Variants in ARID4B observed in about 807,000 individuals in gnomAD.
The protein encoded by ARID4B is AT-rich interactive domain-containing protein 4B.
A neutral mutation model predicts 147.5 loss-of-function variants in ARID4B; 26 were observed. The observed-to-expected ratio is 0.18, with a 90% CI of 0.13 to 0.24. ARID4B has a LOEUF of 0.24. Among genes scored for constraint, ARID4B ranks in the 10% least tolerant of loss-of-function variants. The pLI is 1.00. For synonymous variants in ARID4B, 512 were observed against 507.9 expected (o/e 1.01, Z -0.11); for missense variants, 1,179 against 1,511.5 (o/e 0.78, Z 3.65).
intron 23 of ARID4B, among the ~76,000 whole-genome samples, chr1:235,169,778 C>T (rs1663208998): frequency 6.6e-6 from 1 of 151,930 alleles, no homozygotes; most frequent in African/African-American, 2.4e-5. Flanking sequence ...TTTCCTGTCT[C>T]AGCCTCCTGA....
At chr1:235,327,404 C>G (rs1675381630) in intron 1 of ARID4B, 2 of 152,248 alleles carry the variant, frequency 1.3e-5, no homozygotes, top group African/African-American at 4.8e-5. Flanking sequence ...GCGGGCAGGA[C>G]CGGCCCGCCA....
chr1:235,179,779 TACA>T (rs980691466), intron 20 of ARID4B, among the ~76,000 whole-genome samples: 7 of 151,764 alleles, frequency 4.6e-5, no homozygotes, highest in Admixed American at 2.6e-4. Flanking sequence ...TCTTAAAAAC[TACA>T]ACAATAGGCT....
chr1:235,248,658 G>A (rs901672507), intron 6 of ARID4B, among the ~76,000 whole-genome samples: 2 of 152,138 alleles, frequency 1.3e-5, no homozygotes, highest in African/African-American at 4.8e-5. Context: ...CTACAGGAAA[G>A]AAAATTTCTA....
chr1:235,202,275 A>G (rs970772737), intron 17 of ARID4B, among the ~76,000 whole-genome samples: 1 of 152,048 alleles, frequency 6.6e-6, no homozygotes, highest in Non-Finnish European at 1.5e-5. Flanking sequence ...AAATTAAGAC[A>G]GTGATTAGCC....
chr1:235,213,564 G>C (rs1178557702), intron 17 of ARID4B, among the ~76,000 whole-genome samples: 1 of 115,310 alleles, frequency 8.7e-6, no homozygotes, highest in Non-Finnish European at 1.9e-5. Flanking sequence ...CGGTTTTCTA[G>C]ACATTAGGGA....
chr1:235,317,536 C>T (rs1281490636), intron 2 of ARID4B, among the ~76,000 whole-genome samples: 2 of 152,176 alleles, frequency 1.3e-5, no homozygotes, highest in Non-Finnish European at 2.9e-5. Flanking sequence ...GTAAGGTGAA[C>T]ATGAAGATAG....
chr1:235,175,541 A>C, intron 21 of ARID4B, 142 bp from the exon 22 acceptor site: 1 of 651,664 alleles, frequency 1.5e-6, no homozygotes, highest in Non-Finnish European at 2.6e-6. Context: ...TCATATACAA[A>C]TGCAGCAGCA....
chr1:235,179,942 C>A (rs889988487), intron 20 of ARID4B, among the ~76,000 whole-genome samples: 3 of 150,892 alleles, frequency 2.0e-5, no homozygotes, highest in Non-Finnish European at 4.4e-5. Context: ...TGGTGGCACA[C>A]GCCTGTAGTC....
At chr1:235,220,667 C>T in intron 14 of ARID4B, 122 bp from the exon 15 acceptor site, 3 of 800,874 alleles carry the variant, frequency 3.7e-6, no homozygotes, top group Non-Finnish European at 5.3e-6. Flanking sequence ...TATTAACATT[C>T]TAATTTATTC....
At chr1:235,230,357 C>T (rs752427213) in intron 10 of ARID4B, among the ~76,000 whole-genome samples, 4 of 150,972 alleles carry the variant, frequency 2.6e-5, no homozygotes, top group Admixed American at 6.6e-5. Flanking sequence ...GAGGGTGCAC[C>T]GAGATTGTAC....
At chr1:235,252,954 G>A in intron 5 of ARID4B, 145 bp from the exon 6 acceptor site, 1 of 566,324 alleles carries the variant, frequency 1.8e-6, no homozygotes, top group Non-Finnish European at 3.0e-6. Context: ...GTTTTCTAGT[G>A]AGTAACTTCA....
chr1:235,270,988 T>C (rs1444854172), intron 2 of ARID4B, among the ~76,000 whole-genome samples: 2 of 152,002 alleles, frequency 1.3e-5, no homozygotes, highest in Non-Finnish European at 2.9e-5. Flanking sequence ...AGGCAATAAG[T>C]AGAACATTTT....
At chr1:235,292,104 C>A (rs991393998) in intron 2 of ARID4B, among the ~76,000 whole-genome samples, 2 of 152,140 alleles carry the variant, frequency 1.3e-5, no homozygotes, top group African/African-American at 4.8e-5. Context: ...TTTAATAATA[C>A]AGATACAACT....
At chr1:235,315,858 A>T (rs549540422) in intron 2 of ARID4B, among the ~76,000 whole-genome samples, 1 of 152,326 alleles carries the variant, frequency 6.6e-6, no homozygotes, top group Non-Finnish European at 1.5e-5. Context: ...GAGTAAGCAT[A>T]TACTAACATT....
rs1329197000 is a variant in ARID4B, at chr1:235,252,131, T to TA, written c.354+598dup. On this transcript the variant is annotated intron_variant, in intron 6 of 23. Transcript: ENST00000264183. ...GTTCATACTCTGCATCAGGCACTGT[T>TA]ACAGCAACTAGGAACAAAGCCATGA... 3.3e-5 allele frequency among the ~76,000 whole-genome samples: 5 copies of TA among 152,304 alleles called. No individual in the cohort carries two copies. The South Asian group carries it at 8.3e-4, about 25-fold the overall frequency.
chr1:235,303,398 G>C (rs879116812), intron 2 of ARID4B, among the ~76,000 whole-genome samples: 1 of 150,810 alleles, frequency 6.6e-6, no homozygotes, highest in African/African-American at 2.4e-5. Flanking sequence ...AAAAAGCAAA[G>C]CAAAAAACAA....
chr1:235,253,159 A>G (rs1031870140), intron 5 of ARID4B, among the ~76,000 whole-genome samples: 1 of 152,208 alleles, frequency 6.6e-6, no homozygotes, highest in Non-Finnish European at 1.5e-5. Flanking sequence ...ACTGACAGAT[A>G]TTGACAGATT....
chr1:235,181,704 T>A lies in ARID4B; in HGVS notation c.3215A>T (p.Asp1072Val). 6.2e-7 allele frequency: 1 copy of A among 1,614,110 alleles called. No individual in the cohort carries two copies. The highest frequency in any genetic ancestry group is 8.5e-7 in the Non-Finnish European group (1 of 1,180,000). Residue 1072 changes from aspartate (D) to valine (V), a missense_variant, in exon 20 of 24, where the codon GAT (aspartate) becomes GTT (valine). Physicochemically the swap from Asp to Val is radical, Grantham distance 152 (BLOSUM62 -3). Transcript: ENST00000264183. ...GTCTTGGAGCTCCCCAGCAACACTA[T>A]CCACCTCAATTGTGCTATCAGTTTC... Reference protein sequence around the residue: ...KSETDSTIEVDSVAGELQDLQ... With the variant: ...KSETDSTIEVVSVAGELQDLQ...
chr1:235,214,953 T>C (rs372770381), intron 16 of ARID4B, among the ~76,000 whole-genome samples: 1 of 150,128 alleles, frequency 6.7e-6, no homozygotes, highest in African/African-American at 2.4e-5. Flanking sequence ...GCGATTCTCC[T>C]GCCTCAGCCT....
Sources: allele counts gnomAD v4.1 joint callset (sites outside exome capture counted in the v4.1 genomes callset), GRCh38; gene constraint gnomAD v4.1.1; transcripts MANE v1.5; gene names NCBI Gene and HGNC (gene_info 2026-07-23, HGNC 2026-07-21).